Variants in ANKRD10 observed in about 807,000 individuals in gnomAD.
ANKRD10 encodes the protein ankyrin repeat domain-containing protein 10.
ANKRD10 carries 14 observed loss-of-function variants against 27.0 expected under a neutral mutation model. The ratio of observed to expected loss-of-function variants is 0.52; its 90% CI spans 0.34 to 0.81. The LOEUF is 0.81. Ranked by LOEUF, ANKRD10 falls within the 40% of genes least tolerant of loss-of-function variation. The pLI is 0.01. For missense variants in ANKRD10, 493 were observed against 544.0 expected (o/e 0.91, Z 0.93); for synonymous variants, 250 against 224.5 (o/e 1.11, Z -1.01).
chr13:110,914,509 T>TCGCTTCCGCCCC, intron 1 of ANKRD10: 1 of 514,192 alleles, frequency 1.9e-6, no homozygotes, highest in Non-Finnish European at 2.9e-6. Flanking sequence ...GCCACCGACC[T>TCGCTTCCGCCCC]CGCTTCCGCC....
In ANKRD10 at chr13:110,897,185, G is replaced by A. The variant is rs575894837; in HGVS notation, c.456-3922C>T. Among the ~76,000 whole-genome samples the A allele has an allele frequency of 5.3e-5, 8 of 151,962 alleles. No individual in the cohort carries two copies. The South Asian group carries it at 1.7e-3, about 32-fold the overall frequency. ...CCTGTTGCCCCAGCTGGAGTGCAGTGGCACAATCATAGTTCACCACACCCT... is the reference window on the plus strand; with the variant it reads ...CCTGTTGCCCCAGCTGGAGTGCAGTAGCACAATCATAGTTCACCACACCCT... On this transcript the variant is annotated intron_variant, in intron 3 of 5. Coordinates refer to ENST00000267339, the MANE Select transcript of ANKRD10 (RefSeq NM_017664.4).
rs1594579666 is a variant in ANKRD10, at chr13:110,894,000, A to C, written c.456-737T>G. The stretch of plus-strand genomic sequence containing the variant: ...GTTTTACCTGGCTAATAGTACTAAA[A>C]AGGAAAGGTCTGAGACCTCTACAGT... On this transcript the variant is annotated intron_variant, in intron 3 of 5. Coordinates refer to ENST00000267339, the MANE Select transcript of ANKRD10 (RefSeq NM_017664.4). The C allele has an allele frequency of 7.8e-6, 6 of 772,902 alleles. No individual in the cohort carries two copies. The East Asian group carries it at 1.5e-4, about 20-fold the overall frequency. The allele number at this position is 772,902 out of a possible 1,614,324, so 47.9% of individuals were successfully genotyped here.
chr13:110,912,082 T>C (rs1048291694), intron 1 of ANKRD10, among the ~76,000 whole-genome samples: 12 of 152,186 alleles, frequency 7.9e-5, no homozygotes, highest in African/African-American at 2.7e-4. Flanking sequence ...CTAAAATAAT[T>C]TAGCGCATTC....
intron 4 of ANKRD10, among the ~76,000 whole-genome samples, 169 bp from the exon 5 acceptor site, chr13:110,883,962 C>T (rs1438430786): frequency 6.6e-6 from 1 of 152,134 alleles, no homozygotes; most frequent in Non-Finnish European, 1.5e-5. Context: ...AACTTTTCCA[C>T]AATCAAAAAG....
intron 1 of ANKRD10, among the ~76,000 whole-genome samples, chr13:110,912,528 A>G (rs1428056428): frequency 1.3e-5 from 2 of 152,238 alleles, no homozygotes; most frequent in African/African-American, 4.8e-5. Context: ...CGTACCAAAA[A>G]TCAGCTATTC....
intron 2 of ANKRD10, among the ~76,000 whole-genome samples, chr13:110,906,440 ATAAG>A (rs145681046): frequency 0.095 from 14,424 of 152,206 alleles, 831 homozygotes; most frequent in South Asian, 0.15. Context: ...TAAACCCAGA[ATAAG>A]TAACCAAACA....
chr13:110,905,813 G>A (rs957789143), intron 3 of ANKRD10, among the ~76,000 whole-genome samples: 15 of 152,054 alleles, frequency 9.9e-5, no homozygotes, highest in Non-Finnish European at 1.3e-4. Flanking sequence ...ACACTCTCTC[G>A]ACAAGAATAT....
rs1220078467 is a variant in ANKRD10 at position 110,880,122 on chromosome 13, G to T, written c.788-10C>A. Reference sequence around the variant, plus strand: ...CTACTGTTTTTCATATCTGCATTAAGAAATACACCTGTCACCAAAATTCAG... The same window carrying T: ...CTACTGTTTTTCATATCTGCATTAATAAATACACCTGTCACCAAAATTCAG... On this transcript the variant is annotated splice_polypyrimidine_tract_variant and intron_variant, in intron 5 of 5. Coordinates refer to ENST00000267339, the MANE Select transcript of ANKRD10 (RefSeq NM_017664.4). The T allele has an allele frequency of 1.9e-6, 3 of 1,601,830 alleles. No homozygotes were observed. The highest frequency in any genetic ancestry group is 2.6e-6 in the Non-Finnish European group (3 of 1,171,206).
At chr13:110,900,717 G>A (rs1446034316) in intron 3 of ANKRD10, 1 of 1,331,690 alleles carries the variant, frequency 7.5e-7, no homozygotes, top group Non-Finnish European at 1.0e-6. Flanking sequence ...GACATGTGTA[G>A]TTTTTACAGA....
chr13:110,897,458 A>G (rs1212242228), intron 3 of ANKRD10, among the ~76,000 whole-genome samples: 1 of 152,038 alleles, frequency 6.6e-6, no homozygotes, highest in Non-Finnish European at 1.5e-5. Context: ...TAAGTACAGT[A>G]CATGGAGTAT....
At chr13:110,910,802 C>G in intron 1 of ANKRD10, 32 bp from the exon 2 acceptor site, 1 of 1,601,656 alleles carries the variant, frequency 6.2e-7, no homozygotes, top group South Asian at 1.1e-5. Context: ...TGAAAACACG[C>G]AGACATGTCA....
chr13:110,903,390 AAC>A (rs1261060554), intron 3 of ANKRD10: 2 of 154,076 alleles, frequency 1.3e-5, no homozygotes. Context: ...ATAAGCCAGA[AAC>A]AGAGCCTCAC....
chr13:110,901,689 C>T (rs1312732627), intron 3 of ANKRD10, among the ~76,000 whole-genome samples: 1 of 152,146 alleles, frequency 6.6e-6, no homozygotes, highest in Non-Finnish European at 1.5e-5. Context: ...TTCCTCCATC[C>T]TGAAACACCT....
At chr13:110,897,431 C>A (rs1399460449) in intron 3 of ANKRD10, among the ~76,000 whole-genome samples, 1 of 151,328 alleles carries the variant, frequency 6.6e-6, no homozygotes, top group African/African-American at 2.4e-5. Flanking sequence ...TCTATGAGAT[C>A]TTTTTTACCT....
intron 4 of ANKRD10, among the ~76,000 whole-genome samples, chr13:110,884,829 C>A (rs1566448513): frequency 6.6e-6 from 1 of 152,144 alleles, no homozygotes; most frequent in Non-Finnish European, 1.5e-5. Flanking sequence ...TGCTAAATAC[C>A]TCCTTCATAT....
Position 110,909,660 on chromosome 13 carries a change from G to A in ANKRD10, c.363+958C>T, listed in dbSNP as rs138113350. ...TTATAACTTACCCCACTTTCCCATT[G>A]ATCCTTGTTTTAAATCATGGCTAAA... On this transcript the variant is annotated intron_variant, in intron 2 of 5. Transcript: ENST00000267339. Among the ~76,000 whole-genome samples, 8 of 152,232 alleles carry A rather than the reference G, an allele frequency of 5.3e-5. No homozygotes were observed. The East Asian group carries it at 1.5e-3, about 29-fold the overall frequency.
intron 3 of ANKRD10, among the ~76,000 whole-genome samples, chr13:110,896,633 A>G (rs2065233037): frequency 6.6e-6 from 1 of 152,240 alleles, no homozygotes; most frequent in African/African-American, 2.4e-5. Flanking sequence ...AAAAAGGACT[A>G]TGTAGTAATT....
chr13:110,908,042 G>C (rs1484260814), intron 2 of ANKRD10, among the ~76,000 whole-genome samples: 2 of 152,086 alleles, frequency 1.3e-5, no homozygotes, highest in Non-Finnish European at 2.9e-5. Flanking sequence ...CGGACATCCT[G>C]AGAGAAGGTA....
In ANKRD10 at chr13:110,911,996, G is replaced by A. The variant is rs538382224; in HGVS notation, c.211-1226C>T. On this transcript the variant is annotated intron_variant, in intron 1 of 5. Transcript: ENST00000267339. ...GGAAAAAAGCCTACAGCATAACTGA[G>A]CAATGCACCTAGTGGGTGACTAACA... Among the ~76,000 whole-genome samples, 14 of 152,314 alleles carry A rather than the reference G, an allele frequency of 9.2e-5. No individual in the cohort carries two copies. In the South Asian group the frequency reaches 2.9e-3, roughly 32 times the overall value.
Sources: gnomAD v4.1 joint callset for allele counts (sites outside exome capture counted in the v4.1 genomes callset) on GRCh38, gnomAD v4.1.1 for gene constraint, MANE v1.5 for transcripts, NCBI Gene and HGNC (gene_info 2026-07-23, HGNC 2026-07-21) for gene names.